RUFY2: variants seen among roughly 807,000 people sequenced by gnomAD.
RUFY2 encodes RUN and FYVE domain containing 2, also known as RUN and FYVE domain-containing protein 2.
Under a neutral mutation model 94.4 loss-of-function variants are expected in RUFY2, and 49 were observed. The ratio of observed to expected loss-of-function variants is 0.52; its 90% CI spans 0.41 to 0.66. The LOEUF (loss-of-function observed/expected upper bound fraction) is 0.66, where lower values mean the gene tolerates loss of function less well. Ranked by LOEUF, RUFY2 falls within the 30% of genes least tolerant of loss-of-function variation. The pLI is 0.00. For missense variants in RUFY2, 541 were observed against 692.8 expected (o/e 0.78, Z 2.46); for synonymous variants, 255 against 235.7 (o/e 1.08, Z -0.75).
intron 1 of RUFY2, chr10:68,406,756 A>C (rs1466366091): frequency 6.2e-7 from 1 of 1,608,740 alleles, no homozygotes; most frequent in East Asian, 2.2e-5. Flanking sequence ...GGGCTCACCC[A>C]GGCTCCTGCG....
At chr10:68,400,073 C>CT (rs2050696770) in intron 3 of RUFY2, among the ~76,000 whole-genome samples, 1 of 152,144 alleles carries the variant, frequency 6.6e-6, no homozygotes, top group African/African-American at 2.4e-5. Flanking sequence ...AGCCACTGCG[C>CT]TGGGCCAATT....
At chr10:68,351,608 C>A (rs1242576999) in intron 16 of RUFY2, among the ~76,000 whole-genome samples, 1 of 151,328 alleles carries the variant, frequency 6.6e-6, no homozygotes, top group Non-Finnish European at 1.5e-5. Context: ...TGCCACCACA[C>A]TCAGCTAATT....
At chr10:68,372,899 C>T (rs1275717734) in intron 13 of RUFY2, among the ~76,000 whole-genome samples, 2 of 150,122 alleles carry the variant, frequency 1.3e-5, no homozygotes, top group African/African-American at 2.5e-5. Context: ...CACAGCAAGA[C>T]CCTGTATCAA....
At position 68,345,577 on chromosome 10, in the gene RUFY2, A is replaced by C; in HGVS notation, c.*191T>G. The C allele has an allele frequency of 1.9e-6, 1 of 520,606 alleles. No individual in the cohort carries two copies. The highest frequency in any genetic ancestry group is 3.3e-6 in the Non-Finnish European group (1 of 300,884). The allele number at this position is 520,606 out of a possible 1,614,324, so 32.2% of individuals were successfully genotyped here. A position where few individuals can be genotyped will look rare whatever the true frequency, so the allele number is the denominator to read the frequency against. On this transcript the variant is annotated 3_prime_UTR_variant, in exon 18 of 18. Coordinates refer to ENST00000602465, the MANE Select transcript of RUFY2 (RefSeq NM_001330103.2). ...TGATTTTTAAGCATGCTCTGTTGAAAATACATTTTGAAAAACAATGGGGAA... is the reference window on the plus strand; with the variant it reads ...TGATTTTTAAGCATGCTCTGTTGAACATACATTTTGAAAAACAATGGGGAA...
At chr10:68,360,665 G>A (rs1318942712) in intron 15 of RUFY2, among the ~76,000 whole-genome samples, 1 of 151,962 alleles carries the variant, frequency 6.6e-6, no homozygotes, top group Non-Finnish European at 1.5e-5. Context: ...GGAGAAGGAC[G>A]TGAACCCGGC....
intron 16 of RUFY2, among the ~76,000 whole-genome samples, chr10:68,351,418 G>T (rs1026520981): frequency 6.8e-6 from 1 of 147,900 alleles, no homozygotes; most frequent in Non-Finnish European, 1.5e-5. Context: ...TTATAGGCGT[G>T]AGCCACCACG....
In RUFY2 at chr10:68,377,809, C is replaced by G. The variant is rs1475361172; in HGVS notation, c.1206-837G>C. 4.1e-6 allele frequency: 4 copies of G among 985,156 alleles called. No individual in the cohort carries two copies. In the African/African-American group the frequency reaches 7.0e-5, roughly 17 times the overall value. The allele number at this position is 985,156 out of a possible 1,614,324, so 61.0% of individuals were successfully genotyped here. On this transcript the variant is annotated intron_variant, in intron 12 of 17. Coordinates refer to ENST00000602465, the MANE Select transcript of RUFY2 (RefSeq NM_001330103.2). ...AGGATATTAACTCCTTGCAGGAAAT[C>G]ACAAGAGAAATTTCGGTTCAACTAA...
chr10:68,402,122 CTT>C (rs879793660), intron 2 of RUFY2, among the ~76,000 whole-genome samples: 4 of 143,784 alleles, frequency 2.8e-5, no homozygotes, highest in Admixed American at 2.1e-4. Flanking sequence ...TTTATAATGC[CTT>C]TTTTTTTTTT....
intron 2 of RUFY2, among the ~76,000 whole-genome samples, chr10:68,404,053 G>A (rs937040288): frequency 2.0e-5 from 3 of 152,130 alleles, no homozygotes; most frequent in East Asian, 1.9e-4. Context: ...GATACTCATC[G>A]TATGAACTAG....
At chr10:68,395,908 A>T (rs933113640) in intron 4 of RUFY2, among the ~76,000 whole-genome samples, 3 of 152,254 alleles carry the variant, frequency 2.0e-5, no homozygotes, top group African/African-American at 7.2e-5. Flanking sequence ...TAACAGAACA[A>T]GAATGAATGG....
At chr10:68,356,057 T>C (rs1295497042) in intron 15 of RUFY2, among the ~76,000 whole-genome samples, 2 of 152,206 alleles carry the variant, frequency 1.3e-5, no homozygotes, top group Non-Finnish European at 2.9e-5. Flanking sequence ...ATTTTAAAGA[T>C]GAAGAAATGA....
In RUFY2 at chr10:68,379,540, G is replaced by C; in HGVS notation, c.1108-19C>G. The C allele has an allele frequency of 6.4e-7, 1 of 1,557,776 alleles. No homozygotes were observed. The highest frequency in any genetic ancestry group is 1.8e-5 in the Admixed American group (1 of 57,036). ...CAGAACCCTATTTATAAAAACAAAAGCTATGGTGGTTTTGATTTGTGTGTG... is the reference window on the plus strand; with the variant it reads ...CAGAACCCTATTTATAAAAACAAAACCTATGGTGGTTTTGATTTGTGTGTG... On this transcript the variant is annotated intron_variant, in intron 11 of 17. Coordinates refer to ENST00000602465, the MANE Select transcript of RUFY2 (RefSeq NM_001330103.2).
intron 15 of RUFY2, among the ~76,000 whole-genome samples, chr10:68,360,087 A>T (rs981888421): frequency 2.0e-5 from 3 of 151,992 alleles, no homozygotes; most frequent in Non-Finnish European, 4.4e-5. Context: ...CAGCTTCCAA[A>T]GTGCTGGGAT....
At chr10:68,378,716 A>G in intron 12 of RUFY2, 1 of 1,394,292 alleles carries the variant, frequency 7.2e-7, no homozygotes, top group East Asian at 2.3e-5. Flanking sequence ...AAAGGTAATA[A>G]AAATGTCCAA....
intron 8 of RUFY2, 97 bp from the exon 9 acceptor site, chr10:68,384,249 C>T (rs183926795): frequency 7.2e-7 from 1 of 1,393,270 alleles, no homozygotes; most frequent in Middle Eastern, 2.6e-4. Flanking sequence ...AAAATAAAAT[C>T]TCACAACTAG....
At chr10:68,378,007 C>A in intron 12 of RUFY2, 1 of 985,282 alleles carries the variant, frequency 1.0e-6, no homozygotes, top group Non-Finnish European at 1.2e-6. Context: ...CCAAGCTTTT[C>A]TCTAAGGTTA....
At chr10:68,376,322 G>C (rs977056855) in intron 13 of RUFY2, among the ~76,000 whole-genome samples, 1 of 148,448 alleles carries the variant, frequency 6.7e-6, no homozygotes, top group African/African-American at 2.5e-5. Context: ...AGCTACTCAG[G>C]GGGCTGAGGC....
In RUFY2 at chr10:68,343,655, A is replaced by ATGTT. The variant is rs2046103209; in HGVS notation, c.*2109_*2112dup. 6.6e-6 allele frequency: 1 copy of ATGTT among 152,536 alleles called. No homozygotes were observed. The allele number at this position is 152,536 out of a possible 1,614,324, so 9.4% of individuals were successfully genotyped here. A position where few individuals can be genotyped will look rare whatever the true frequency, so the allele number is the denominator to read the frequency against. ...TAGTACTGCTAGGTGAGGGAATGGT[A>ATGTT]TGTTAAGTCTGTTTTTGAAAAGTAA... On this transcript the variant is annotated 3_prime_UTR_variant, in exon 18 of 18. Transcript: ENST00000602465.
rs1463113488 is a variant in RUFY2, at chr10:68,344,100, C to T, written c.*1668G>A. On this transcript the variant is annotated 3_prime_UTR_variant, in exon 18 of 18. Coordinates refer to ENST00000602465, the MANE Select transcript of RUFY2 (RefSeq NM_001330103.2). Reference sequence around the variant, plus strand: ...AATCCTCTCTTGAGGACATTTCTGTCAGTATTCAAGAAAGACCATCTAGAA... The same window carrying T: ...AATCCTCTCTTGAGGACATTTCTGTTAGTATTCAAGAAAGACCATCTAGAA... The T allele has an allele frequency of 6.6e-6, 1 of 152,162 alleles. No homozygotes were observed. Among genetic ancestry groups the T allele is most frequent in the African/African-American group, 2.4e-5 (1 of 41,418 alleles). The allele number at this position is 152,162 out of a possible 1,614,324, so 9.4% of individuals were successfully genotyped here. A position where few individuals can be genotyped will look rare whatever the true frequency, so the allele number is the denominator to read the frequency against.
Sources: gnomAD v4.1 joint callset for allele counts (sites outside exome capture counted in the v4.1 genomes callset) on GRCh38, gnomAD v4.1.1 for gene constraint, MANE v1.5 for transcripts, NCBI Gene and HGNC (gene_info 2026-07-23, HGNC 2026-07-21) for gene names.